Variants in TRDN observed in about 807,000 individuals in gnomAD.
TRDN encodes the protein triadin in skeletal muscle.
TRDN carries 161 observed loss-of-function variants against 149.7 expected under a neutral mutation model. The observed-to-expected ratio is 1.08, with a 90% confidence interval of 0.95 to 1.23. TRDN has a LOEUF of 1.23. Among genes scored for constraint, TRDN ranks in the 50% most tolerant of loss-of-function variants. The pLI, the probability that TRDN is intolerant of heterozygous loss-of-function variation, is 0.00. For missense variants in TRDN, 896 were observed against 823.5 expected, an observed-to-expected ratio of 1.09 and a Z score of -1.08; for synonymous variants, 294 against 250.5, an observed-to-expected ratio of 1.17 and a Z score of -1.64.
intron 20 of TRDN, among the ~76,000 whole-genome samples, chr6:123,356,271 T>C (rs893737558): frequency 1.3e-5 from 2 of 151,480 alleles, no homozygotes; most frequent in African/African-American, 4.8e-5. Flanking sequence ...AGATGTTTTA[T>C]CAGATTAAGT....
At chr6:123,590,698 G>A (rs1237532489) in intron 1 of TRDN, among the ~76,000 whole-genome samples, 1 of 152,140 alleles carries the variant, frequency 6.6e-6, no homozygotes, top group African/African-American at 2.4e-5. Context: ...GGAAGCAGAG[G>A]TTGCAGTGAG....
chr6:123,584,725 C>T (rs1783348424), intron 1 of TRDN, among the ~76,000 whole-genome samples: 1 of 151,842 alleles, frequency 6.6e-6, no homozygotes, highest in African/African-American at 2.4e-5. Context: ...CAAGTGAAAG[C>T]CAAGAGAGGC....
intron 12 of TRDN, among the ~76,000 whole-genome samples, chr6:123,403,186 G>T (rs1473578447): frequency 6.6e-6 from 1 of 152,110 alleles, no homozygotes; most frequent in Non-Finnish European, 1.5e-5. Flanking sequence ...TTTCAACAAG[G>T]CCAGGGAAAA....
intron 9 of TRDN, among the ~76,000 whole-genome samples, chr6:123,490,879 C>A (rs569456091): frequency 6.6e-6 from 1 of 152,008 alleles, no homozygotes; most frequent in East Asian, 1.9e-4. Context: ...CCGAGGTGGG[C>A]GGATCACGAG....
At chr6:123,368,546 T>G (rs182793612) in intron 19 of TRDN, among the ~76,000 whole-genome samples, 190 of 152,282 alleles carry the variant, frequency 1.2e-3, no homozygotes, top group African/African-American at 4.2e-3. Flanking sequence ...TTTTTAAGAT[T>G]TCCAGGATAC....
chr6:123,471,884 C>T (rs1199949567), intron 9 of TRDN: 1 of 152,080 alleles, frequency 6.6e-6, no homozygotes, highest in African/African-American at 2.4e-5. Flanking sequence ...TATCCTTGTA[C>T]CCTGTCTGTG....
At chr6:123,443,300 T>G in intron 10 of TRDN, among the ~76,000 whole-genome samples, 1 of 151,420 alleles carries the variant, frequency 6.6e-6, no homozygotes, top group East Asian at 1.9e-4. Context: ...AAAGCTTTGT[T>G]TTGAAAATTA....
At chr6:123,628,037 A>C (rs1396406856) in intron 1 of TRDN, among the ~76,000 whole-genome samples, 1 of 152,196 alleles carries the variant, frequency 6.6e-6, no homozygotes, top group East Asian at 1.9e-4. Context: ...TCTCCACATC[A>C]GCAATAAGTT....
chr6:123,286,033 G>T (rs925628189), intron 24 of TRDN, among the ~76,000 whole-genome samples: 1 of 152,126 alleles, frequency 6.6e-6, no homozygotes, highest in East Asian at 1.9e-4. Flanking sequence ...AATAGATGTT[G>T]TCATGGATGC....
At chr6:123,249,429 AT>A (rs1776299452) in intron 38 of TRDN, among the ~76,000 whole-genome samples, 1 of 152,116 alleles carries the variant, frequency 6.6e-6, no homozygotes, top group Non-Finnish European at 1.5e-5. Context: ...CCACTACTGC[AT>A]ATCTACCCAA....
chr6:123,299,041 A>G (rs977374845), intron 24 of TRDN, among the ~76,000 whole-genome samples: 1 of 152,050 alleles, frequency 6.6e-6, no homozygotes, highest in Admixed American at 6.6e-5. Context: ...ATAATTTTCT[A>G]TTGATTAGTA....
At chr6:123,605,801 A>T (rs921020327) in intron 1 of TRDN, among the ~76,000 whole-genome samples, 34 of 152,100 alleles carry the variant, frequency 2.2e-4, no homozygotes, top group African/African-American at 7.5e-4. Flanking sequence ...AAAAGATTGC[A>T]TTCCTGAAGA....
chr6:123,438,027 C>T (rs769978337), intron 12 of TRDN, 36 bp downstream of exon 12: 51 of 1,539,568 alleles, frequency 3.3e-5, no homozygotes, highest in African/African-American at 1.9e-4. Flanking sequence ...ACATCCTGAA[C>T]GTAATCCATC....
intron 13 of TRDN, among the ~76,000 whole-genome samples, chr6:123,392,990 C>T (rs576229543): frequency 6.6e-6 from 1 of 152,120 alleles, no homozygotes; most frequent in East Asian, 1.9e-4. Flanking sequence ...CTTTTATTTT[C>T]TAAGTGTGTT....
intron 38 of TRDN, among the ~76,000 whole-genome samples, chr6:123,232,731 AAG>A (rs1262769507): frequency 6.6e-6 from 1 of 151,984 alleles, no homozygotes; most frequent in African/African-American, 2.4e-5. Context: ...AAAGAGTAAA[AAG>A]AGATTGTAAT....
chr6:123,624,067 T>C (rs1785528556), intron 1 of TRDN, among the ~76,000 whole-genome samples: 1 of 151,630 alleles, frequency 6.6e-6, no homozygotes, highest in African/African-American at 2.4e-5. Context: ...GATTTCTGTA[T>C]ATTTTACATT....
intron 12 of TRDN, among the ~76,000 whole-genome samples, chr6:123,424,770 C>T (rs73544283): frequency 6.6e-6 from 1 of 152,088 alleles, no homozygotes; most frequent in African/African-American, 2.4e-5. Flanking sequence ...TGATGAATAG[C>T]CTTTTACACC....
intron 7 of TRDN, among the ~76,000 whole-genome samples, chr6:123,504,202 G>A (rs548514485): frequency 2.6e-5 from 4 of 152,062 alleles, no homozygotes; most frequent in African/African-American, 4.8e-5. Context: ...TAGTAACTTA[G>A]CATGTCAACA....
chr6:123,531,557 G>A (rs1780256285), intron 4 of TRDN, among the ~76,000 whole-genome samples: 1 of 151,982 alleles, frequency 6.6e-6, no homozygotes, highest in Non-Finnish European at 1.5e-5. Flanking sequence ...CCATTGTGAA[G>A]GTTTTCTTCC....
Sources: allele counts gnomAD v4.1 joint callset (sites outside exome capture counted in the v4.1 genomes callset), GRCh38; gene constraint gnomAD v4.1.1; transcripts MANE v1.5; gene names NCBI Gene and HGNC (gene_info 2026-07-23, HGNC 2026-07-21).